Variants in TELO2 observed in about 807,000 individuals in gnomAD.
TELO2 encodes telomere maintenance 2.
A neutral mutation model predicts 91.0 loss-of-function variants in TELO2; 71 were observed. The ratio of observed to expected loss-of-function variants is 0.78; its 90% confidence interval spans 0.64 to 0.95. The LOEUF is 0.95. TELO2 is among the 40% of genes least tolerant of loss of function. TELO2 has a pLI of 0.00. For missense variants in TELO2, 1,183 were observed against 1,141.3 expected (o/e 1.04, Z -0.53); for synonymous variants, 584 against 518.9 (o/e 1.13, Z -1.71).
intron 13 of TELO2, 88 bp from the exon 14 acceptor site, chr16:1,502,557 G>A: frequency 3.3e-6 from 5 of 1,537,210 alleles, no homozygotes; most frequent in Non-Finnish European, 3.5e-6. Flanking sequence ...CTCTGCTGGG[G>A]TGGGTGGCTC....
chr16:1,500,172 C>T lies in TELO2; in HGVS notation c.1002+8C>T, dbSNP rs1330769046. ...CGCCCGCTCCTGCTGCAGGTACGTG[C>T]CTCCTGGCTCTCCGTCCCTGCGAGG... On this transcript the variant is annotated splice_region_variant and intron_variant, in intron 7 of 20. Coordinates refer to ENST00000262319, the MANE Select transcript of TELO2 (RefSeq NM_016111.4). 6.3e-7 allele frequency: 1 copy of T among 1,599,218 alleles called. No individual in the cohort carries two copies.
chr16:1,494,739 G>A lies in TELO2; in HGVS notation c.335+123G>A. On this transcript the variant is annotated intron_variant, in intron 2 of 20. Coordinates refer to ENST00000262319, the MANE Select transcript of TELO2 (RefSeq NM_016111.4). This position sits in a 1 kb window ranked among gnomAD's most constrained non-coding sequence, Gnocchi z 5.6. ...GGGCTAGAGAGAGAGCCTGCTCCTG[G>A]CTGAACCCCTGAACAGAAGAAGCGG... The A allele has an allele frequency of 9.2e-7, 1 of 1,086,428 alleles. No homozygotes were observed. 67.3% of individuals were successfully genotyped at this position (1,086,428 alleles called of 1,614,324 possible). A position where few individuals can be genotyped will look rare whatever the true frequency, so the allele number is the denominator to read the frequency against.
Position 1,507,141 on chromosome 16 carries a change from C to G in TELO2, c.2226+90C>G, listed in dbSNP as rs574161575. 3 of 1,505,440 alleles carry G rather than the reference C, an allele frequency of 2.0e-6. No individual in the cohort carries two copies. The African/African-American group carries it at 4.1e-5, about 21-fold the overall frequency. The allele number at this position is 1,505,440 out of a possible 1,614,324, so 93.3% of individuals were successfully genotyped here. On this transcript the variant is annotated intron_variant, in intron 18 of 20. Transcript: ENST00000262319. ...CTCACCTGCGCCCAGGGATGGGTGT[C>G]TGAGGGAGGGGCTGCCTGTGTGGGC...
At chr16:1,506,443 T>A in intron 17 of TELO2, 114 bp downstream of exon 17, 1 of 1,576,828 alleles carries the variant, frequency 6.3e-7, no homozygotes, top group Non-Finnish European at 8.6e-7. Context: ...AACAGGGTCG[T>A]GCTTTGCTGT....
At chr16:1,501,125 G>A (rs1026536496) in intron 9 of TELO2, among the ~76,000 whole-genome samples, 6 of 152,354 alleles carry the variant, frequency 3.9e-5, no homozygotes, top group African/African-American at 1.2e-4. Context: ...GTGACGGCCT[G>A]TCCTCTTATC....
chr16:1,505,301 C>A lies in TELO2; in HGVS notation c.1843-109C>A. ...CTTGTTCCCAGAACACACCTTCTCC[C>A]AGGCTGGGCGGGCCCCCGGGCCCGT... On this transcript the variant is annotated intron_variant, in intron 15 of 20. Coordinates refer to ENST00000262319, the MANE Select transcript of TELO2 (RefSeq NM_016111.4). The surrounding 1 kb of genome is among the most constrained non-coding windows in gnomAD (Gnocchi z 4.3). 1 of 1,320,136 alleles carries A rather than the reference C, an allele frequency of 7.6e-7. No homozygotes were observed. Among genetic ancestry groups the A allele is most frequent in the Non-Finnish European group, 1.0e-6 (1 of 971,714 alleles). The allele number at this position is 1,320,136 out of a possible 1,614,324, so 81.8% of individuals were successfully genotyped here.
In TELO2 at chr16:1,501,766, C is replaced by G. The variant is rs150984539; in HGVS notation, c.1465C>G (p.Leu489Val). ...ACAGCTGGCGGGCTCTGACTCGGAC[C>G]TGGACAGGTAGGGGCTCTGCCACCC... ...QAQLAGSDSDLDSDDEFVPYD... is the reference protein window; with the variant it reads ...QAQLAGSDSDVDSDDEFVPYD... The change falls in exon 11 of 21, where the codon CTG (leucine) becomes GTG (valine). Residue 489 changes from leucine (L) to valine (V), a missense_variant. Transcript: ENST00000262319. The G allele has an allele frequency of 8.0e-5, 128 of 1,608,522 alleles. No homozygotes were observed. Among genetic ancestry groups the G allele is most frequent in the Non-Finnish European group, 1.1e-4 (124 of 1,179,686 alleles).
At chr16:1,501,589 T>C in intron 10 of TELO2, 74 bp from the exon 11 acceptor site, 1 of 1,569,288 alleles carries the variant, frequency 6.4e-7, no homozygotes, top group Non-Finnish European at 8.7e-7. Context: ...AAACCCTTTC[T>C]TTCTGTCCTG....
rs1461678097 is a variant in TELO2, at chr16:1,497,535, G to GC, written c.830+28dup. 18 of 1,533,950 alleles carry GC rather than the reference G, an allele frequency of 1.2e-5. No homozygotes were observed. The highest frequency in any genetic ancestry group is 1.6e-5 in the Non-Finnish European group (18 of 1,142,558). On this transcript the variant is annotated intron_variant, in intron 5 of 20. Coordinates refer to ENST00000262319, the MANE Select transcript of TELO2 (RefSeq NM_016111.4). The surrounding 1 kb of genome is among the most constrained non-coding windows in gnomAD (Gnocchi z 4.0). Reference sequence around the variant, plus strand: ...TAAGCAGCCAGGCTGTCCTCCAGCTGCACTGGCTTCTGGGGTCTGGACCCC... The same window carrying GC: ...TAAGCAGCCAGGCTGTCCTCCAGCTGCCACTGGCTTCTGGGGTCTGGACCCC...
chr16:1,502,009 G>A (rs1224461479), intron 11 of TELO2, 38 bp from the exon 12 acceptor site: 9 of 1,612,476 alleles, frequency 5.6e-6, no homozygotes, highest in Admixed American at 1.7e-5. Context: ...TCCTGTCACA[G>A]GCCATGGGCT....
chr16:1,500,512 C>A, intron 8 of TELO2, 24 bp downstream of exon 8: 1 of 1,609,436 alleles, frequency 6.2e-7, no homozygotes, highest in Non-Finnish European at 8.5e-7. Context: ...TTGGGCTCCC[C>A]CCGGCCTCGG....
intron 20 of TELO2, among the ~76,000 whole-genome samples, chr16:1,508,760 G>A (rs542680010): frequency 2.6e-5 from 4 of 152,290 alleles, no homozygotes; most frequent in South Asian, 2.1e-4. Context: ...ACGAGTCCCC[G>A]GGGACGGGCT....
intron 3 of TELO2, among the ~76,000 whole-genome samples, chr16:1,496,767 C>T (rs1229187723): frequency 6.6e-6 from 1 of 152,232 alleles, no homozygotes; most frequent in Admixed American, 6.5e-5. Context: ...CCTTCCTCGG[C>T]AACATCATAC....
chr16:1,500,607 A>T lies in TELO2; in HGVS notation c.1189A>T (p.Ser397Cys). The T allele has an allele frequency of 1.9e-6, 3 of 1,612,240 alleles. No individual in the cohort carries two copies. Among genetic ancestry groups the T allele is most frequent in the Non-Finnish European group, 2.5e-6 (3 of 1,179,736 alleles). Residue 397 changes from serine to cysteine, a missense_variant, in exon 9 of 21, where the codon AGT becomes TGT. Physicochemically the swap from Ser to Cys is moderately radical, Grantham distance 112 (BLOSUM62 -1). Transcript: ENST00000262319. ...GGCGGGCGTGAAGTGCCGCCTGGAC[A>T]GTAGCCTGCCCCCCGTGCGACGCCT... ...MMAGVKCRLD[S>C]SLPPVRRLGM...
chr16:1,508,340 T>C (rs1261951440), intron 20 of TELO2, among the ~76,000 whole-genome samples: 1 of 151,988 alleles, frequency 6.6e-6, no homozygotes, highest in Non-Finnish European at 1.5e-5. Flanking sequence ...ACCATGTTGG[T>C]CAGGATGGTC....
Position 1,494,933 on chromosome 16 carries a change from G to C in TELO2, c.335+317G>C, listed in dbSNP as rs1439154635. On this transcript the variant is annotated intron_variant, in intron 2 of 20. Transcript: ENST00000262319. The surrounding 1 kb of genome is among the most constrained non-coding windows in gnomAD (Gnocchi z 5.6). ...GTTCCAGGTTTTCCAGGGAAGCACA[G>C]CTGTCATCACTGACACGTGTCCCAT... Among the ~76,000 whole-genome samples the C allele has an allele frequency of 6.6e-6, 1 of 152,212 alleles. No homozygotes were observed. Among genetic ancestry groups the C allele is most frequent in the Non-Finnish European group, 1.5e-5 (1 of 68,042 alleles).
intron 17 of TELO2, 158 bp from the exon 18 acceptor site, chr16:1,506,794 C>A (rs1364074068): frequency 1.4e-6 from 2 of 1,417,024 alleles, no homozygotes; most frequent in Non-Finnish European, 1.8e-6. Context: ...GGAGTAGGCA[C>A]CCGGAAATGT....
Position 1,507,694 on chromosome 16 carries a change from G to A in TELO2, c.2385G>A (p.Leu795=), listed in dbSNP as rs763007334. 1.2e-6 allele frequency: 2 copies of A among 1,604,268 alleles called. No homozygotes were observed. The highest frequency in any genetic ancestry group is 1.7e-6 in the Non-Finnish European group (2 of 1,179,736). The part of the protein sequence containing the change: ...RLLEDLMDEL[L]EARSWLADVA... Reference sequence around the variant, plus strand: ...TGGAGGACCTGATGGACGAGCTGCTGGAAGCCCGGTCCTGGCTGGCGGGTG... The same window carrying A: ...TGGAGGACCTGATGGACGAGCTGCTAGAAGCCCGGTCCTGGCTGGCGGGTG... The change falls in exon 20 of 21, where the codon CTG becomes CTA. Residue 795 remains leucine (L), a synonymous_variant. Transcript: ENST00000262319.
rs376160613 is a variant in TELO2 at position 1,506,220 on chromosome 16, T to A, written c.2035-18T>A. On this transcript the variant is annotated intron_variant, in intron 16 of 20. Transcript: ENST00000262319. Reference sequence around the variant, plus strand: ...CCCAAGCCTGCACCTCCGTGATCGCTGTAGTTGTGTCTGGCAGGGTGGCCC... The same window carrying A: ...CCCAAGCCTGCACCTCCGTGATCGCAGTAGTTGTGTCTGGCAGGGTGGCCC... 131 of 1,612,950 alleles carry A rather than the reference T, an allele frequency of 8.1e-5. No homozygotes were observed. Among genetic ancestry groups the A allele is most frequent in the Non-Finnish European group, 1.0e-4 (120 of 1,179,866 alleles).
Sources: allele counts gnomAD v4.1 joint callset (sites outside exome capture counted in the v4.1 genomes callset), GRCh38; gene constraint gnomAD v4.1.1; non-coding constraint Gnocchi (gnomAD v3.1); transcripts MANE v1.5; gene names NCBI Gene and HGNC (gene_info 2026-07-23, HGNC 2026-07-21).